Variants in PIK3R3 observed in about 807,000 individuals in gnomAD.
The protein encoded by PIK3R3 is phosphoinositide-3-kinase regulatory subunit 3, also known as phosphatidylinositol 3-kinase regulatory subunit gamma.
In PIK3R3, 64 loss-of-function variants were observed where a neutral mutation model predicts 62.9. The observed-to-expected ratio is 1.02, with a 90% CI of 0.83 to 1.25. The LOEUF (loss-of-function observed/expected upper bound fraction) is 1.25. PIK3R3 is among the 50% of genes most tolerant of loss of function. The pLI, the probability that PIK3R3 is intolerant of heterozygous loss-of-function variation, is 0.00. For missense variants in PIK3R3, 614 were observed against 561.6 expected, an observed-to-expected ratio of 1.09 and a Z score of -0.94; for synonymous variants, 165 against 189.0, an observed-to-expected ratio of 0.87 and a Z score of 1.04.
chr1:46,135,031 T>A (rs978598944), upstream of PIK3R3, among the ~76,000 whole-genome samples: 2 of 152,232 alleles, frequency 1.3e-5, no homozygotes. Flanking sequence ...CAATGATGAA[T>A]CAAGGGGAAG....
chr1:46,132,515 C>A lies in PIK3R3; in HGVS notation c.-563G>T. 8.1e-7 allele frequency: 1 copy of A among 1,232,150 alleles called. No individual in the cohort carries two copies. Among genetic ancestry groups the A allele is most frequent in the South Asian group, 1.4e-5 (1 of 71,754 alleles). 76.3% of individuals were successfully genotyped at this position (1,232,150 alleles called of 1,614,324 possible). A position where few individuals can be genotyped will look rare whatever the true frequency, so the allele number is the denominator to read the frequency against. On this transcript the variant is annotated 5_prime_UTR_variant, in exon 1 of 10. Transcript: ENST00000262741. ...CGGTCGGTCTCGGAACCGAAGCTGC[C>A]GCAGCCTCGGGAATGGGGCCGGCCG...
chr1:46,099,900 T>C (rs977716196), intron 1 of PIK3R3, among the ~76,000 whole-genome samples: 3 of 152,216 alleles, frequency 2.0e-5, no homozygotes, highest in African/African-American at 4.8e-5. Context: ...TATTATTCCA[T>C]TGAAGTTTTA....
At chr1:46,064,367 CCT>C (rs778441205) in intron 5 of PIK3R3, among the ~76,000 whole-genome samples, 16 of 152,084 alleles carry the variant, frequency 1.1e-4, no homozygotes, top group Middle Eastern at 3.4e-3. Context: ...ATGATGAACC[CCT>C]GTCTCTACTA....
In PIK3R3 at chr1:46,065,288, G is replaced by A. The variant is rs961533331; in HGVS notation, c.621+766C>T. On this transcript the variant is annotated intron_variant, in intron 5 of 9. Transcript: ENST00000262741. ...AAAAAACAATCTAAAAAGTAGTCAG[G>A]CCTAAGAAGTCCTAGGAAAGAAACT... 2.6e-5 allele frequency among the ~76,000 whole-genome samples: 4 copies of A among 152,278 alleles called. 1 individual carries two copies. Among genetic ancestry groups the A allele is most frequent in the Admixed American group, 2.6e-4 (4 of 15,282 alleles).
At chr1:46,090,496 T>C (rs891259001) in intron 1 of PIK3R3, among the ~76,000 whole-genome samples, 4 of 151,874 alleles carry the variant, frequency 2.6e-5, no homozygotes, top group African/African-American at 4.8e-5. Context: ...CATGCCCGGC[T>C]AGTTTTTTTG....
the PIK3R3 span, among the ~76,000 whole-genome samples, chr1:46,143,120 C>G: frequency 1.3e-5 from 2 of 152,228 alleles, no homozygotes; most frequent in Non-Finnish European, 2.9e-5. Context: ...AAATTACAGC[C>G]TTTCTTGTGG....
chr1:46,132,847 C>G, upstream of PIK3R3: 1 of 1,205,474 alleles, frequency 8.3e-7, no homozygotes, highest in Non-Finnish European at 1.1e-6. Context: ...ACTTTCACGT[C>G]TCCCCACCGC....
intron 1 of PIK3R3, among the ~76,000 whole-genome samples, chr1:46,104,165 T>G (rs4300171): frequency 0.2 from 31,033 of 151,984 alleles, 3,633 homozygotes; most frequent in Non-Finnish European, 0.26. Flanking sequence ...TGACCTCAGG[T>G]GATCCACTCG....
chr1:46,059,481 T>G (rs933093647), intron 6 of PIK3R3, among the ~76,000 whole-genome samples: 3 of 152,246 alleles, frequency 2.0e-5, no homozygotes, highest in African/African-American at 7.2e-5. Context: ...TGGTAATGAC[T>G]GTCTACATTA....
At chr1:46,146,555 G>T in the PIK3R3 span, among the ~76,000 whole-genome samples, 1 of 152,246 alleles carries the variant, frequency 6.6e-6, no homozygotes, top group South Asian at 2.1e-4. Context: ...ATGCTAGGCA[G>T]CCAAAAATGT....
chr1:46,079,125 C>A (rs548487393), intron 2 of PIK3R3, among the ~76,000 whole-genome samples: 1 of 151,846 alleles, frequency 6.6e-6, no homozygotes, highest in Non-Finnish European at 1.5e-5. Context: ...TAAATAAATA[C>A]CATTTTGGTA....
the PIK3R3 span, among the ~76,000 whole-genome samples, chr1:46,149,854 A>G: frequency 6.6e-6 from 1 of 152,190 alleles, no homozygotes; most frequent in Non-Finnish European, 1.5e-5. Context: ...ATATGTTCTA[A>G]AAGGAAGATT....
chr1:46,134,492 G>A (rs1186084722), upstream of PIK3R3: 1 of 152,184 alleles, frequency 6.6e-6, no homozygotes, highest in Non-Finnish European at 1.5e-5. Flanking sequence ...CTTTGGGGCA[G>A]GACTCATTAA....
chr1:46,136,070 C>CTT (rs571080588), upstream of PIK3R3, among the ~76,000 whole-genome samples: 18 of 124,200 alleles, frequency 1.4e-4, no homozygotes, highest in African/African-American at 2.7e-4. Context: ...TGGAAATATA[C>CTT]TTTTTTTTTT....
At chr1:46,169,059 T>C in the PIK3R3 span, among the ~76,000 whole-genome samples, 3 of 152,300 alleles carry the variant, frequency 2.0e-5, no homozygotes, top group South Asian at 6.2e-4. Flanking sequence ...CAGCCCCTAT[T>C]GCACTTACGA....
In PIK3R3 at chr1:46,042,175, G is replaced by C. The variant is rs1378360207; in HGVS notation, c.*1498C>G. 9 of 221,722 alleles carry C rather than the reference G, an allele frequency of 4.1e-5. No homozygotes were observed. In the Admixed American group the frequency reaches 5.2e-4, roughly 13 times the overall value. The allele number at this position is 221,722 out of a possible 1,614,324, so 13.7% of individuals were successfully genotyped here. A position where few individuals can be genotyped will look rare whatever the true frequency, so the allele number is the denominator to read the frequency against. ...ATGAGTGTTGACTGATGGGTGTGGG[G>C]CATGATGGGGGCAGGAATAGATGCC... On this transcript the variant is annotated 3_prime_UTR_variant, in exon 10 of 10. Transcript: ENST00000262741. The surrounding 1 kb of genome is among the most constrained non-coding windows in gnomAD (Gnocchi z 4.3).
intron 7 of PIK3R3, among the ~76,000 whole-genome samples, chr1:46,055,195 G>A (rs1042448790): frequency 4.1e-5 from 6 of 146,698 alleles, no homozygotes; most frequent in African/African-American, 5.1e-5. Context: ...TGCAACCTCC[G>A]CCTCCAGGGT....
chr1:46,127,308 C>T (rs368357819), intron 1 of PIK3R3, among the ~76,000 whole-genome samples: 3 of 146,672 alleles, frequency 2.0e-5, no homozygotes, highest in African/African-American at 7.6e-5. Flanking sequence ...TGCCACTGTA[C>T]TCTAGCCTGA....
chr1:46,055,655 C>T, intron 7 of PIK3R3, 140 bp downstream of exon 7: 1 of 631,596 alleles, frequency 1.6e-6, no homozygotes, highest in Non-Finnish European at 2.7e-6. Flanking sequence ...CTACCAAGGA[C>T]ACTTTCCTAA....
Sources: gnomAD v4.1 joint callset for allele counts (sites outside exome capture counted in the v4.1 genomes callset) on GRCh38, gnomAD v4.1.1 for gene constraint, Gnocchi (gnomAD v3.1) non-coding constraint, MANE v1.5 for transcripts, NCBI Gene and HGNC (gene_info 2026-07-23, HGNC 2026-07-21) for gene names.